Variants in ARHGAP18 observed in about 807,000 individuals in gnomAD.
ARHGAP18 encodes Rho GTPase activating protein 18, also known as rho GTPase-activating protein 18.
In ARHGAP18, 67 loss-of-function variants were observed where a neutral mutation model predicts 86.2. The observed-to-expected ratio is 0.78, with a 90% CI of 0.64 to 0.95. The LOEUF (loss-of-function observed/expected upper bound fraction) is 0.95, where lower values mean the gene tolerates loss of function less well. Among genes scored for constraint, ARHGAP18 ranks in the 40% least tolerant of loss-of-function variants. The probability of loss-of-function intolerance (pLI) is 0.00; values close to 1 mark genes in which losing one functional copy is unlikely to be tolerated. For synonymous variants in ARHGAP18, 283 were observed against 280.4 expected (o/e 1.01, Z -0.09); for missense variants, 691 against 780.4 (o/e 0.89, Z 1.37).
At chr6:129,701,911 T>G (rs1184424679) in intron 1 of ARHGAP18, among the ~76,000 whole-genome samples, 1 of 152,028 alleles carries the variant, frequency 6.6e-6, no homozygotes, top group Non-Finnish European at 1.5e-5. Flanking sequence ...AATGATGAGA[T>G]TAGAAAGCCA....
chr6:129,638,655 T>C, intron 2 of ARHGAP18, 26 bp from the exon 3 acceptor site: 1 of 1,587,592 alleles, frequency 6.3e-7, no homozygotes, highest in Non-Finnish European at 8.6e-7. Context: ...AAAGTGGTAC[T>C]TAAATCACAA....
At position 129,624,997 on chromosome 6, in the gene ARHGAP18, G is replaced by T. The variant is rs867343014; in HGVS notation, c.786+4356C>A. 2.5e-3 allele frequency among the ~76,000 whole-genome samples: 246 copies of T among 96,494 alleles called. 18 individuals carry two copies. Among genetic ancestry groups the T allele is most frequent in the Non-Finnish European group, 2.9e-3 (139 of 47,600 alleles). The allele number at this position is 96,494 out of a possible 152,430, so 63.3% of individuals were successfully genotyped here. A position where few individuals can be genotyped will look rare whatever the true frequency, so the allele number is the denominator to read the frequency against. ...TTTATATATAATATATATTATATAT[G>T]ATATATATTTATATAATATATATGA... On this transcript the variant is annotated intron_variant, in intron 5 of 14. Coordinates refer to ENST00000368149, the MANE Select transcript of ARHGAP18 (RefSeq NM_033515.3).
At chr6:129,668,376 A>ACT (rs771022772) in intron 1 of ARHGAP18, among the ~76,000 whole-genome samples, 86 of 149,670 alleles carry the variant, frequency 5.7e-4, no homozygotes, top group East Asian at 1.4e-3. Flanking sequence ...ACACACACAC[A>ACT]CACACACACA....
At chr6:129,618,450 C>T (rs537472777) in intron 6 of ARHGAP18, among the ~76,000 whole-genome samples, 2 of 152,242 alleles carry the variant, frequency 1.3e-5, no homozygotes, top group South Asian at 4.1e-4. Context: ...TCAGAATTTC[C>T]TTCTATGAGA....
At chr6:129,639,792 C>A (rs1773407438) in intron 2 of ARHGAP18, among the ~76,000 whole-genome samples, 1 of 152,064 alleles carries the variant, frequency 6.6e-6, no homozygotes, top group Admixed American at 6.5e-5. Context: ...GGCTTGTAAT[C>A]CCAGCACTTT....
intron 3 of ARHGAP18, among the ~76,000 whole-genome samples, chr6:129,634,429 A>G (rs1773289800): frequency 6.6e-6 from 1 of 152,230 alleles, no homozygotes; most frequent in Non-Finnish European, 1.5e-5. Context: ...CTATTAATTG[A>G]CAAATGGATA....
At chr6:129,667,055 T>A (rs79069340) in intron 1 of ARHGAP18, among the ~76,000 whole-genome samples, 75,913 of 151,684 alleles carry the variant, frequency 0.5, 19,448 homozygotes, top group African/African-American at 0.61. Context: ...CAATATTGTT[T>A]CACAATATTG....
At chr6:129,596,625 C>A (rs1248786631) in intron 12 of ARHGAP18, among the ~76,000 whole-genome samples, 1 of 152,258 alleles carries the variant, frequency 6.6e-6, no homozygotes, top group East Asian at 1.9e-4. Flanking sequence ...CCCAGTAATT[C>A]CTGGCACACA....
At chr6:129,690,965 C>T (rs185921121) in intron 1 of ARHGAP18, among the ~76,000 whole-genome samples, 8 of 152,200 alleles carry the variant, frequency 5.3e-5, no homozygotes, top group East Asian at 1.9e-4. Context: ...AAATGCTACT[C>T]GAATGCAAAA....
intron 1 of ARHGAP18, among the ~76,000 whole-genome samples, chr6:129,665,754 C>T (rs1328189684): frequency 6.6e-6 from 1 of 152,132 alleles, no homozygotes; most frequent in Non-Finnish European, 1.5e-5. Context: ...TTGTTTGCTG[C>T]CTGCATGACC....
At chr6:129,622,139 A>T (rs1789242264) in intron 5 of ARHGAP18, among the ~76,000 whole-genome samples, 1 of 152,170 alleles carries the variant, frequency 6.6e-6, no homozygotes, top group African/African-American at 2.4e-5. Flanking sequence ...GGAGACACAC[A>T]TCCTACAGGG....
At chr6:129,634,440 A>C (rs1773290011) in intron 3 of ARHGAP18, among the ~76,000 whole-genome samples, 1 of 152,226 alleles carries the variant, frequency 6.6e-6, no homozygotes, top group South Asian at 2.1e-4. Context: ...CAAATGGATA[A>C]GCAAAATGTG....
chr6:129,644,273 C>T (rs531028781), intron 1 of ARHGAP18, among the ~76,000 whole-genome samples: 2 of 152,302 alleles, frequency 1.3e-5, no homozygotes, highest in East Asian at 3.9e-4. Flanking sequence ...CCTGGGTCCC[C>T]ATATCCGGCC....
chr6:129,689,128 C>T (rs918083825), intron 1 of ARHGAP18, among the ~76,000 whole-genome samples: 9 of 152,086 alleles, frequency 5.9e-5, no homozygotes, highest in African/African-American at 2.2e-4. Flanking sequence ...GGTGCTGCCA[C>T]TAATGATCAT....
Position 129,638,561 on chromosome 6 carries a change from C to G in ARHGAP18, c.385G>C (p.Asp129His), listed in dbSNP as rs139290398. The change falls in exon 3 of 15, where the codon GAT becomes CAT. Residue 129 changes from aspartate (D) to histidine (H), a missense_variant. By Grantham distance (81) the Asp-to-His change is moderately conservative (BLOSUM62 -1). Coordinates refer to ENST00000368149, the MANE Select transcript of ARHGAP18 (RefSeq NM_033515.3). Reference protein sequence around the residue: ...LSNLFGESAGDPQESIVFLST... With the variant: ...LSNLFGESAGHPQESIVFLST... ...AAAAACACAATGCTTTCCTGTGGAT[C>G]TCCAGCAGACTCTCCGAAGAGATTG... 3.7e-6 allele frequency: 6 copies of G among 1,614,062 alleles called. No individual in the cohort carries two copies. Among genetic ancestry groups the G allele is most frequent in the Non-Finnish European group, 5.1e-6 (6 of 1,180,038 alleles).
At chr6:129,632,989 T>C (rs1773250601) in intron 4 of ARHGAP18, among the ~76,000 whole-genome samples, 1 of 152,196 alleles carries the variant, frequency 6.6e-6, no homozygotes, top group Non-Finnish European at 1.5e-5. Flanking sequence ...TAAACTTAAA[T>C]CACCTTTGTT....
chr6:129,586,725 A>G (rs1788401543), intron 12 of ARHGAP18, among the ~76,000 whole-genome samples: 2 of 152,218 alleles, frequency 1.3e-5, no homozygotes, highest in Non-Finnish European at 2.9e-5. Context: ...ATATTACCAT[A>G]AAGAGTTCAG....
At chr6:129,622,716 T>TAAG (rs35967000) in intron 5 of ARHGAP18, among the ~76,000 whole-genome samples, 36,516 of 151,612 alleles carry the variant, frequency 0.24, 4,642 homozygotes, top group Non-Finnish European at 0.28. Flanking sequence ...TTAAAGAAAA[T>TAAG]AAGACTGGGC....
At chr6:129,678,986 G>C (rs2114535304) in intron 1 of ARHGAP18, among the ~76,000 whole-genome samples, 1 of 152,260 alleles carries the variant, frequency 6.6e-6, no homozygotes, top group African/African-American at 2.4e-5. Flanking sequence ...ATAAACTGTA[G>C]AATAAACTCT....
Sources: gnomAD v4.1 joint callset for allele counts (sites outside exome capture counted in the v4.1 genomes callset) on GRCh38, gnomAD v4.1.1 for gene constraint, MANE v1.5 for transcripts, NCBI Gene and HGNC (gene_info 2026-07-23, HGNC 2026-07-21) for gene names.